PASD1: variants seen among roughly 807,000 people sequenced by gnomAD.
PASD1 encodes the protein circadian clock protein PASD1.
Under a neutral mutation model 58.8 loss-of-function variants are expected in PASD1, and 13 were observed. The observed-to-expected ratio is 0.22, with a 90% confidence interval of 0.14 to 0.35. The LOEUF is 0.35. Ranked by LOEUF, PASD1 falls within the 10% of genes least tolerant of loss-of-function variation. The pLI, the probability that PASD1 is intolerant of heterozygous loss-of-function variation, is 1.00. For missense variants in PASD1, 734 were observed against 568.3 expected (o/e 1.29, Z -2.96); for synonymous variants, 236 against 216.7 (o/e 1.09, Z -0.78).
At chrX:151,614,330 A>G (rs1292330056) in intron 4 of PASD1, among the ~76,000 whole-genome samples, 2 of 111,272 alleles carry the variant, frequency 1.8e-5, no homozygotes, top group Non-Finnish European at 3.8e-5. Flanking sequence ...ATCATCTCCA[A>G]AGGCCCCACC....
Position 151,676,074 on chromosome X carries a change from C to G in PASD1, c.2253C>G (p.Asp751Glu). The G allele has an allele frequency of 8.3e-7, 1 of 1,211,182 alleles. No homozygotes were observed. Residue 751 changes from aspartate to glutamate, a missense_variant, in exon 16 of 16, where the codon GAC (aspartate) becomes GAG (glutamate). Asp to Glu is a conservative substitution (Grantham distance 45, BLOSUM62 2). Transcript: ENST00000370357. ...AAGGCCCTGCTGCATACCAGCCAGA[C>G]CAGATGAGATCTGCGGAGCAGACCA... The part of the protein sequence containing the change: ...AFQGPAAYQP[D>E]QMRSAEQTRL...
intron 6 of PASD1, among the ~76,000 whole-genome samples, chrX:151,622,056 A>G (rs980205245): frequency 1.8e-5 from 2 of 110,174 alleles, no homozygotes; most frequent in African/African-American, 6.6e-5. Context: ...AGATCAATGA[A>G]GTGATCAATA....
chrX:151,580,698 A>G (rs935979437), intron 1 of PASD1, among the ~76,000 whole-genome samples: 4 of 110,472 alleles, frequency 3.6e-5, no homozygotes, highest in Non-Finnish European at 7.6e-5. Context: ...TACAGTAAAC[A>G]TAATGATATA....
chrX:151,632,284 A>G (rs971429348), intron 8 of PASD1, among the ~76,000 whole-genome samples: 3 of 111,451 alleles, frequency 2.7e-5, no homozygotes, highest in Non-Finnish European at 5.6e-5. Context: ...AGGTGACTTG[A>G]GTTAACATCT....
intron 8 of PASD1, among the ~76,000 whole-genome samples, chrX:151,635,409 T>C (rs1006980877): frequency 2.7e-5 from 3 of 112,073 alleles, no homozygotes; most frequent in African/African-American, 6.5e-5. Flanking sequence ...TACATATCTA[T>C]ATGTATGTGT....
intron 8 of PASD1, among the ~76,000 whole-genome samples, chrX:151,637,791 G>T (rs1227949408): frequency 9.0e-6 from 1 of 111,586 alleles, no homozygotes; most frequent in Non-Finnish European, 1.9e-5. Flanking sequence ...TCCCCCTAAG[G>T]ACTAATAATA....
At position 151,601,198 on chromosome X, in the gene PASD1, A is replaced by T. The variant is rs938888696; in HGVS notation, c.-27-329A>T. Among the ~76,000 whole-genome samples the T allele has an allele frequency of 2.7e-5, 3 of 112,427 alleles. No individual in the cohort carries two copies. In the East Asian group the frequency reaches 8.3e-4, roughly 31 times the overall value. ...GGGTATGGAATTAAAACACAAATTA[A>T]GGGTATGGAATTAAAATACAAATAT... On this transcript the variant is annotated intron_variant, in intron 1 of 15. Transcript: ENST00000370357.
chrX:151,627,628 A>T (rs938282470), intron 8 of PASD1, among the ~76,000 whole-genome samples: 1 of 111,718 alleles, frequency 9.0e-6, no homozygotes, highest in African/African-American at 3.3e-5. Context: ...GGCTGGTTCC[A>T]AGTCTTTGCT....
intron 1 of PASD1, among the ~76,000 whole-genome samples, chrX:151,577,013 T>C (rs1425485309): frequency 8.9e-6 from 1 of 111,793 alleles, no homozygotes; most frequent in East Asian, 2.8e-4. Context: ...GCTCGTCAAT[T>C]CTGTAAATAT....
intron 11 of PASD1, among the ~76,000 whole-genome samples, chrX:151,670,718 C>G (rs2014455579): frequency 8.9e-6 from 1 of 111,904 alleles, no homozygotes; most frequent in Admixed American, 9.5e-5. Flanking sequence ...TGATTTGACC[C>G]AGGCGCAGAA....
intron 1 of PASD1, among the ~76,000 whole-genome samples, chrX:151,597,452 C>G (rs1042357862): frequency 1.8e-5 from 2 of 111,766 alleles, no homozygotes; most frequent in African/African-American, 6.5e-5. Context: ...TCTCTGTTTT[C>G]AAATTTATGG....
intron 4 of PASD1, among the ~76,000 whole-genome samples, chrX:151,615,360 G>T (rs979109193): frequency 5.4e-5 from 6 of 111,261 alleles, no homozygotes; most frequent in African/African-American, 2.0e-4. Flanking sequence ...CATGTGCTTT[G>T]AACTGCCAGC....
chrX:151,600,058 C>T (rs764407358), intron 1 of PASD1, among the ~76,000 whole-genome samples: 1 of 112,394 alleles, frequency 8.9e-6, no homozygotes, highest in Admixed American at 9.3e-5. Flanking sequence ...CGGTCAGGAG[C>T]TGGAGACCAG....
chrX:151,599,139 G>A (rs888542796), intron 1 of PASD1, among the ~76,000 whole-genome samples: 2 of 112,019 alleles, frequency 1.8e-5, no homozygotes, highest in African/African-American at 3.2e-5. Flanking sequence ...GGGGTTGGGG[G>A]TAAGGTTATA....
In PASD1 at chrX:151,674,011, C is replaced by T. The variant is rs1684542973; in HGVS notation, c.2000C>T (p.Ser667Phe). 7.4e-6 allele frequency: 9 copies of T among 1,211,281 alleles called. No individual in the cohort carries two copies. The highest frequency in any genetic ancestry group is 1.0e-5 in the Non-Finnish European group (9 of 894,931). The change falls in exon 15 of 16, where the codon TCC (serine) becomes TTC (phenylalanine). Residue 667 changes from serine (S) to phenylalanine (F), a missense_variant. Ser to Phe is a radical substitution (Grantham distance 155). Transcript: ENST00000370357. ...DTSNSEAISSSSIPQFPITSD... is the reference protein window; with the variant it reads ...DTSNSEAISSFSIPQFPITSD... ...TCAAACTCTGAGGCAATTTCTTCTT[C>T]CAGCATTCCTCAGTTTCCCATAACT...
intron 1 of PASD1, among the ~76,000 whole-genome samples, chrX:151,565,813 C>T (rs1210140773): frequency 8.9e-6 from 1 of 111,808 alleles, no homozygotes; most frequent in African/African-American, 3.3e-5. Context: ...CCGCCTTCGC[C>T]TCCCAAAGTG....
intron 4 of PASD1, among the ~76,000 whole-genome samples, chrX:151,619,537 G>A (rs1444950014): frequency 1.8e-5 from 2 of 111,487 alleles, no homozygotes; most frequent in Non-Finnish European, 3.8e-5. Flanking sequence ...AAATTGTGAA[G>A]GAGTAGCCTT....
intron 9 of PASD1, 119 bp from the exon 10 acceptor site, chrX:151,659,594 T>C (rs1419122908): frequency 1.4e-6 from 1 of 697,461 alleles, no homozygotes. Flanking sequence ...TTTCAGTTGA[T>C]TGCAGCAGTG....
intron 8 of PASD1, among the ~76,000 whole-genome samples, chrX:151,640,183 A>G (rs990446770): frequency 1.8e-5 from 2 of 111,637 alleles, no homozygotes; most frequent in Non-Finnish European, 3.8e-5. Context: ...CTTAGCATGA[A>G]CATATGTACC....
Sources: allele counts gnomAD v4.1 joint callset (sites outside exome capture counted in the v4.1 genomes callset), GRCh38; gene constraint gnomAD v4.1.1; transcripts MANE v1.5; gene names NCBI Gene and HGNC (gene_info 2026-07-23, HGNC 2026-07-21).